PIAS2: variants seen among roughly 807,000 people sequenced by gnomAD.
PIAS2 encodes the protein E3 SUMO-protein ligase PIAS2.
A neutral mutation model predicts 69.7 loss-of-function variants in PIAS2; 19 were observed. That is an observed-to-expected ratio of 0.27 (90% CI 0.19 to 0.40). The LOEUF is 0.40. Ranked by LOEUF, PIAS2 falls within the 10% of genes least tolerant of loss-of-function variation. PIAS2 has a pLI of 1.00. For synonymous variants in PIAS2, 261 were observed against 263.2 expected (o/e 0.99, Z 0.08); for missense variants, 624 against 757.0 (o/e 0.82, Z 2.06).
At chr18:46,826,483 T>C (rs1372930884) in intron 11 of PIAS2, among the ~76,000 whole-genome samples, 1 of 152,232 alleles carries the variant, frequency 6.6e-6, no homozygotes, top group African/African-American at 2.4e-5. Context: ...CTGCAGTACT[T>C]GCAACTCATG....
At chr18:46,820,476 C>T (rs1599331685) in intron 12 of PIAS2, among the ~76,000 whole-genome samples, 3 of 152,134 alleles carry the variant, frequency 2.0e-5, no homozygotes, top group South Asian at 4.1e-4. Context: ...AAGTATTAAG[C>T]CCCACTCTAG....
intron 9 of PIAS2, among the ~76,000 whole-genome samples, chr18:46,832,226 C>G (rs1247874605): frequency 1.3e-5 from 2 of 151,642 alleles, no homozygotes; most frequent in African/African-American, 2.4e-5. Flanking sequence ...ACCAGCCTGA[C>G]CAACATGGTG....
At position 46,812,341 on chromosome 18, in the gene PIAS2, TA is replaced by T. The variant is rs566576373; in HGVS notation, c.*91del. ...TGACTTTCAATAAATACCAAATTAT[TA>T]AAAAAAAAAAAAAAAGAACGTTTCC... On this transcript the variant is annotated 3_prime_UTR_variant, in exon 14 of 14. Coordinates refer to ENST00000585916, the MANE Select transcript of PIAS2 (RefSeq NM_004671.5). The T allele has an allele frequency of 0.2, 108,063 of 553,604 alleles. 464 individuals carry two copies. The highest frequency in any genetic ancestry group is 0.23 in the East Asian group (6,611 of 28,942). 34.3% of individuals were successfully genotyped at this position (553,604 alleles called of 1,614,324 possible).
At chr18:46,815,566 G>A (rs570890186) in intron 12 of PIAS2, 2 of 1,211,808 alleles carry the variant, frequency 1.7e-6, no homozygotes, top group South Asian at 5.2e-5. Flanking sequence ...CTAGCTCCCA[G>A]AGACTCAAAT....
rs183027515 is a variant in PIAS2, at chr18:46,858,352, A to T, written c.585-2737T>A. ...AAACTGAATGGGCTTTAGAAAGATC[A>T]TATGTAGGAGCTTTCTAATGGAAAG... On this transcript the variant is annotated intron_variant, in intron 3 of 13. Coordinates refer to ENST00000585916, the MANE Select transcript of PIAS2 (RefSeq NM_004671.5). Among the ~76,000 whole-genome samples the T allele has an allele frequency of 8.0e-4, 122 of 152,358 alleles. 2 individuals carry two copies. Among genetic ancestry groups the T allele is most frequent in the Middle Eastern group, 6.8e-3 (2 of 294 alleles).
rs1762816159 is a variant in PIAS2, at chr18:46,806,240, G to A, written c.*6193C>T. On this transcript the variant is annotated 3_prime_UTR_variant, in exon 14 of 14. Coordinates refer to ENST00000585916, the MANE Select transcript of PIAS2 (RefSeq NM_004671.5). ...CACTACTCATTCACTGTGACCTTGG[G>A]AAACTTACCTAAACCTGTTTCATTT... 1 of 151,420 alleles carries A rather than the reference G, an allele frequency of 6.6e-6. No homozygotes were observed. Among genetic ancestry groups the A allele is most frequent in the Non-Finnish European group, 1.5e-5 (1 of 67,940 alleles). The allele number at this position is 151,420 out of a possible 1,614,324, so 9.4% of individuals were successfully genotyped here.
chr18:46,881,837 G>A (rs1568701914), intron 2 of PIAS2, among the ~76,000 whole-genome samples: 7 of 152,206 alleles, frequency 4.6e-5, no homozygotes, highest in Admixed American at 1.3e-4. Flanking sequence ...GGTGGCTCAC[G>A]CCTGTAATCC....
At chr18:46,831,646 G>A (rs1353468701) in intron 9 of PIAS2, among the ~76,000 whole-genome samples, 1 of 152,150 alleles carries the variant, frequency 6.6e-6, no homozygotes, top group Non-Finnish European at 1.5e-5. Context: ...GAACAGTTCA[G>A]AGATCACACA....
chr18:46,807,355 T>TTATATA lies in PIAS2; in HGVS notation c.*5072_*5077dup, dbSNP rs1289254598. ...AGGTGTTTCTGAAACATGTCAGATTTTATATATATATATATATATATATAT... is the reference window on the plus strand; with the variant it reads ...AGGTGTTTCTGAAACATGTCAGATTTTATATATATATATATATATATATATATATAT... On this transcript the variant is annotated 3_prime_UTR_variant, in exon 14 of 14. Coordinates refer to ENST00000585916, the MANE Select transcript of PIAS2 (RefSeq NM_004671.5). The TTATATA allele has an allele frequency of 5.2e-3, 157 of 29,944 alleles. 18 individuals carry two copies. Among genetic ancestry groups the TTATATA allele is most frequent in the Non-Finnish European group, 6.1e-3 (109 of 17,748 alleles). 1.9% of individuals were successfully genotyped at this position (29,944 alleles called of 1,614,324 possible).
At chr18:46,836,250 T>C (rs2044410573) in intron 9 of PIAS2, 107 bp downstream of exon 9, 4 of 808,030 alleles carry the variant, frequency 5.0e-6, no homozygotes, top group Non-Finnish European at 8.2e-6. Context: ...GGATTTATGC[T>C]AGAGTAGAAT....
At chr18:46,904,175 G>A (rs889906907) in intron 1 of PIAS2, 1 of 151,964 alleles carries the variant, frequency 6.6e-6, no homozygotes, top group African/African-American at 2.4e-5. Context: ...TCCTGGTTGT[G>A]ATACTGTACT....
intron 9 of PIAS2, among the ~76,000 whole-genome samples, chr18:46,831,194 G>T (rs2043564614): frequency 6.6e-6 from 1 of 152,000 alleles, no homozygotes; most frequent in Non-Finnish European, 1.5e-5. Flanking sequence ...CTAAGGGATG[G>T]GAATAACATA....
At chr18:46,894,036 G>T (rs923328570) in intron 1 of PIAS2, among the ~76,000 whole-genome samples, 24 of 152,286 alleles carry the variant, frequency 1.6e-4, no homozygotes, top group Admixed American at 5.9e-4. Flanking sequence ...TGAGGCAGGA[G>T]AATTTCTTCA....
chr18:46,897,978 C>A (rs2055165086), intron 1 of PIAS2, among the ~76,000 whole-genome samples: 1 of 151,452 alleles, frequency 6.6e-6, no homozygotes, highest in African/African-American at 2.4e-5. Context: ...CTCAAGTGAT[C>A]CTCCCACCTC....
intron 8 of PIAS2, among the ~76,000 whole-genome samples, chr18:46,843,568 G>C (rs1334586751): frequency 6.6e-6 from 1 of 152,142 alleles, no homozygotes; most frequent in Non-Finnish European, 1.5e-5. Flanking sequence ...AAGTACACAG[G>C]AGGATGTGAG....
At chr18:46,816,140 G>A in intron 12 of PIAS2, 10 of 984,796 alleles carry the variant, frequency 1.0e-5, no homozygotes, top group African/African-American at 1.7e-5. Flanking sequence ...CATTAAAAAA[G>A]AAACCATAGG....
At chr18:46,872,093 T>G (rs1235934100) in intron 2 of PIAS2, among the ~76,000 whole-genome samples, 1 of 152,190 alleles carries the variant, frequency 6.6e-6, no homozygotes, top group Non-Finnish European at 1.5e-5. Flanking sequence ...GTCGAAGGTC[T>G]CATTCAAGAT....
At position 46,906,777 on chromosome 18, in the gene PIAS2, G is replaced by T. The variant is rs868106010; in HGVS notation, c.24+10545C>A. 4.3e-3 allele frequency among the ~76,000 whole-genome samples: 628 copies of T among 144,760 alleles called. 17 individuals carry two copies. The highest frequency in any genetic ancestry group is 0.015 in the African/African-American group (599 of 39,656). 95.0% of individuals were successfully genotyped at this position (144,760 alleles called of 152,430 possible). ...AACAAGATGTATGTGTGTGTGTGGG[G>T]GGGGGGGGAGGTGTATAACATGAAA... On this transcript the variant is annotated intron_variant, in intron 1 of 13. Transcript: ENST00000585916.
chr18:46,891,247 T>C (rs1390502292), intron 1 of PIAS2, 193 bp from the exon 2 acceptor site: 5 of 683,842 alleles, frequency 7.3e-6, no homozygotes, highest in Non-Finnish European at 1.3e-5. Flanking sequence ...CAAGTTACGG[T>C]GTTAATTATA....
Sources: gnomAD v4.1 joint callset for allele counts (sites outside exome capture counted in the v4.1 genomes callset) on GRCh38, gnomAD v4.1.1 for gene constraint, MANE v1.5 for transcripts, NCBI Gene and HGNC (gene_info 2026-07-23, HGNC 2026-07-21) for gene names.